Variants in USP54 observed in about 807,000 individuals in gnomAD.
USP54 encodes the protein ubiquitin specific peptidase 54, also known as ubiquitin carboxyl-terminal hydrolase 54.
A neutral mutation model predicts 170.5 loss-of-function variants in USP54; 87 were observed. That is an observed-to-expected ratio of 0.51 (90% CI 0.43 to 0.61). The LOEUF (loss-of-function observed/expected upper bound fraction) is 0.61. Among genes scored for constraint, USP54 ranks in the 20% least tolerant of loss-of-function variants. The probability of loss-of-function intolerance (pLI) is 0.00; values close to 1 mark genes in which losing one functional copy is unlikely to be tolerated. For synonymous variants in USP54, 655 were observed against 742.8 expected (o/e 0.88, Z 1.92); for missense variants, 1,786 against 2,047.8 (o/e 0.87, Z 2.47).
chr10:73,549,875 G>A (rs74703715), intron 4 of USP54, among the ~76,000 whole-genome samples: 1 of 152,296 alleles, frequency 6.6e-6, no homozygotes, highest in African/African-American at 2.4e-5. Context: ...CACAGTAAAA[G>A]CCAAACTGCT....
At chr10:73,579,010 A>G (rs2076510744) in intron 1 of USP54, among the ~76,000 whole-genome samples, 1 of 143,632 alleles carries the variant, frequency 7.0e-6, no homozygotes, top group African/African-American at 2.6e-5. Context: ...GCGTGGTCTC[A>G]GCTCACTGTA....
chr10:73,579,934 T>C (rs191297553), intron 1 of USP54, among the ~76,000 whole-genome samples: 2 of 152,272 alleles, frequency 1.3e-5, no homozygotes, highest in East Asian at 3.9e-4. Flanking sequence ...CCTATTAGAA[T>C]AGTTAAAAAC....
At chr10:73,507,009 A>C (rs1479378431) in intron 20 of USP54, 2 of 152,164 alleles carry the variant, frequency 1.3e-5, no homozygotes, top group Non-Finnish European at 2.9e-5. Context: ...GAATAAATAC[A>C]TTATGGTTTA....
At chr10:73,542,258 C>T (rs1240765156) in intron 7 of USP54, among the ~76,000 whole-genome samples, 1 of 152,124 alleles carries the variant, frequency 6.6e-6, no homozygotes, top group Non-Finnish European at 1.5e-5. Flanking sequence ...GCAACCATGC[C>T]TGGCTAATTC....
intron 1 of USP54, among the ~76,000 whole-genome samples, chr10:73,605,018 A>C (rs774056444): frequency 1.6e-4 from 25 of 152,098 alleles, no homozygotes; most frequent in Non-Finnish European, 3.5e-4. Flanking sequence ...CCATTTTTAC[A>C]GAGTGCTGAA....
chr10:73,594,881 A>G (rs2078600371), upstream of USP54, among the ~76,000 whole-genome samples: 2 of 152,078 alleles, frequency 1.3e-5, no homozygotes, highest in South Asian at 2.1e-4. Flanking sequence ...GGAAAACTAC[A>G]TAACTAATTT....
At position 73,583,021 on chromosome 10, in the gene USP54, A is replaced by G. The variant is rs2077070308; in HGVS notation, c.-581-6660T>C. Among the ~76,000 whole-genome samples, 3 of 152,336 alleles carry G rather than the reference A, an allele frequency of 2.0e-5. No individual in the cohort carries two copies. The South Asian group carries it at 6.2e-4, about 32-fold the overall frequency. ...TCTGTGGTATTCTTGCCTAAACCAT[A>G]ATCTCAGTCCAATCATCAGAAAAAT... On this transcript the variant is annotated intron_variant, in intron 1 of 23. Transcript: ENST00000687698.
chr10:73,555,808 T>TCGG, intron 4 of USP54, among the ~76,000 whole-genome samples: 1 of 152,316 alleles, frequency 6.6e-6, no homozygotes, highest in Admixed American at 6.5e-5. Flanking sequence ...AACTGTAGGA[T>TCGG]CTGCCATAAA....
At chr10:73,596,682 G>A (rs1055081075) in intron 1 of USP54, among the ~76,000 whole-genome samples, 2 of 126,786 alleles carry the variant, frequency 1.6e-5, no homozygotes, top group Non-Finnish European at 3.1e-5. Context: ...TCAGGCCATC[G>A]CACTCCAGTC....
At chr10:73,606,049 A>G (rs1005990635) in intron 1 of USP54, among the ~76,000 whole-genome samples, 1 of 151,606 alleles carries the variant, frequency 6.6e-6, no homozygotes, top group Non-Finnish European at 1.5e-5. Flanking sequence ...GTGGTGGTAC[A>G]GTCCTGTAAT....
At chr10:73,531,247 C>T (rs911048461) in intron 12 of USP54, among the ~76,000 whole-genome samples, 12 of 150,948 alleles carry the variant, frequency 7.9e-5, no homozygotes, top group African/African-American at 2.4e-4. Flanking sequence ...GCCGAGATCA[C>T]GCCACTGCAC....
At position 73,529,824 on chromosome 10, in the gene USP54, C is replaced by A; in HGVS notation, c.1916G>T (p.Gly639Val). The A allele has an allele frequency of 6.2e-7, 1 of 1,608,620 alleles. No individual in the cohort carries two copies. Among genetic ancestry groups the A allele is most frequent in the Non-Finnish European group, 8.5e-7 (1 of 1,177,086 alleles). ...GGPSPQYKRW[G>V]PARPGSHLLE... ...AAGGTGAGAGCCTGGCCGTGCTGGG[C>A]CCCAGCGCTTGTACTGGGGGCTTGG... Residue 639 changes from glycine to valine, a missense_variant, in exon 15 of 24, where the codon GGC (glycine) becomes GTC (valine). Transcript: ENST00000687698.
In USP54 at chr10:73,529,667, G is replaced by A. The variant is rs372459272; in HGVS notation, c.2060+13C>T. The A allele has an allele frequency of 3.5e-4, 564 of 1,614,114 alleles. No individual in the cohort carries two copies. The highest frequency in any genetic ancestry group is 4.5e-4 in the Non-Finnish European group (533 of 1,179,980). The stretch of plus-strand genomic sequence containing the variant: ...GCAAGAGACAATGTTGCTGTTCAAA[G>A]GCCAAACAATACCTGTAGACATTTG... On this transcript the variant is annotated intron_variant, in intron 15 of 23. Coordinates refer to ENST00000687698, the MANE Select transcript of USP54 (RefSeq NM_001391956.1).
chr10:73,536,123 G>C, intron 11 of USP54, 146 bp downstream of exon 11: 1 of 1,131,286 alleles, frequency 8.8e-7, no homozygotes, highest in Non-Finnish European at 1.3e-6. Context: ...TTAGGCTTCA[G>C]CACAAATTGG....
intron 4 of USP54, among the ~76,000 whole-genome samples, chr10:73,554,470 CACTGACT>C (rs886833060): frequency 6.6e-6 from 1 of 152,194 alleles, no homozygotes; most frequent in African/African-American, 2.4e-5. Context: ...CCTTGAGGAT[CACTGACT>C]ACTGGAAAAG....
intron 19 of USP54, among the ~76,000 whole-genome samples, chr10:73,518,032 ACC>A (rs1294669692): frequency 5.3e-5 from 8 of 152,132 alleles, no homozygotes; most frequent in Non-Finnish European, 1.2e-4. Context: ...ATTCTTCACT[ACC>A]TGTGAAGTCG....
intron 1 of USP54, among the ~76,000 whole-genome samples, chr10:73,614,650 A>G (rs1235557323): frequency 1.3e-5 from 2 of 149,792 alleles, no homozygotes; most frequent in Non-Finnish European, 2.9e-5. Flanking sequence ...CATGATGAAG[A>G]TAAGATTTCA....
chr10:73,543,959 T>C (rs79152192), intron 5 of USP54, among the ~76,000 whole-genome samples: 2 of 152,008 alleles, frequency 1.3e-5, no homozygotes, highest in Non-Finnish European at 2.9e-5. Context: ...TTTTTTTTTT[T>C]TGAGACACAC....
intron 20 of USP54, chr10:73,506,768 T>C (rs901305431): frequency 2.0e-5 from 3 of 152,052 alleles, no homozygotes; most frequent in Admixed American, 6.6e-5. Flanking sequence ...TCTAAGAAAA[T>C]ATCCTTGAAC....
Sources: allele counts gnomAD v4.1 joint callset (sites outside exome capture counted in the v4.1 genomes callset), GRCh38; gene constraint gnomAD v4.1.1; transcripts MANE v1.5; gene names NCBI Gene and HGNC (gene_info 2026-07-23, HGNC 2026-07-21).